SNTB1: variants seen among roughly 807,000 people sequenced by gnomAD.
SNTB1 encodes beta-1-syntrophin.
SNTB1 carries 36 observed loss-of-function variants against 48.9 expected under a neutral mutation model. The observed-to-expected ratio is 0.74, with a 90% confidence interval of 0.56 to 0.97. The LOEUF is 0.97. Ranked by LOEUF, SNTB1 falls within the 50% of genes least tolerant of loss-of-function variation. The probability of loss-of-function intolerance (pLI) is 0.00; values close to 1 mark genes in which losing one functional copy is unlikely to be tolerated. For synonymous variants in SNTB1, 299 were observed against 294.6 expected (o/e 1.01, Z -0.15); for missense variants, 786 against 703.4 (o/e 1.12, Z -1.33).
intron 2 of SNTB1, among the ~76,000 whole-genome samples, chr8:120,639,228 T>A (rs543407455): frequency 2.1e-3 from 321 of 152,346 alleles, no homozygotes; most frequent in African/African-American, 7.3e-3. Flanking sequence ...TGCTCACTTT[T>A]TGATGGGGTT....
Position 120,537,386 on chromosome 8 carries a change from C to T in SNTB1, c.*1491G>A, listed in dbSNP as rs1815218799. On this transcript the variant is annotated 3_prime_UTR_variant, in exon 7 of 7. Coordinates refer to ENST00000517992, the MANE Select transcript of SNTB1 (RefSeq NM_021021.4). Reference sequence around the variant, plus strand: ...CCAGCAAAACACCACTCAGTCAAGCCCCTTGGAACTAGCGTCATATGATAT... The same window carrying T: ...CCAGCAAAACACCACTCAGTCAAGCTCCTTGGAACTAGCGTCATATGATAT... 1 of 152,100 alleles carries T rather than the reference C, an allele frequency of 6.6e-6. No individual in the cohort carries two copies. Among genetic ancestry groups the T allele is most frequent in the Non-Finnish European group, 1.5e-5 (1 of 68,012 alleles). The allele number at this position is 152,100 out of a possible 1,614,324, so 9.4% of individuals were successfully genotyped here. A position where few individuals can be genotyped will look rare whatever the true frequency, so the allele number is the denominator to read the frequency against.
chr8:120,618,739 G>A (rs979183407), intron 3 of SNTB1, among the ~76,000 whole-genome samples: 13 of 152,184 alleles, frequency 8.5e-5, no homozygotes, highest in Admixed American at 3.3e-4. Context: ...GTTGGACGCT[G>A]GATGAAATTA....
intron 2 of SNTB1, among the ~76,000 whole-genome samples, chr8:120,639,349 T>C (rs1467034190): frequency 6.6e-6 from 1 of 152,216 alleles, no homozygotes; most frequent in African/African-American, 2.4e-5. Flanking sequence ...GCCTGTTCAC[T>C]CTGATGGTAG....
At position 120,811,260 on chromosome 8, in the gene SNTB1, G is replaced by T; in HGVS notation, c.571+13C>A. On this transcript the variant is annotated intron_variant, in intron 1 of 6. Coordinates refer to ENST00000517992, the MANE Select transcript of SNTB1 (RefSeq NM_021021.4). ...GCGCGCCCGGCGCGGCCCGCGCGCT[G>T]TTAACCCCTTACCTTCCAGCAGCAC... is the stretch of plus-strand genomic sequence containing the variant. 1 of 1,581,890 alleles carries T rather than the reference G, an allele frequency of 6.3e-7. No individual in the cohort carries two copies. The highest frequency in any genetic ancestry group is 8.5e-7 in the Non-Finnish European group (1 of 1,170,500).
intron 1 of SNTB1, among the ~76,000 whole-genome samples, chr8:120,792,586 G>A (rs1324476141): frequency 6.6e-6 from 1 of 151,930 alleles, no homozygotes; most frequent in Non-Finnish European, 1.5e-5. Context: ...CTTGCTGCTA[G>A]CCAAGTACCG....
chr8:120,739,921 T>C (rs937785942), intron 1 of SNTB1, among the ~76,000 whole-genome samples: 5 of 152,166 alleles, frequency 3.3e-5, no homozygotes, highest in Non-Finnish European at 7.3e-5. Context: ...AATTACAAAG[T>C]TAATGGAAGA....
intron 4 of SNTB1, among the ~76,000 whole-genome samples, chr8:120,568,794 G>A (rs944108113): frequency 6.6e-6 from 1 of 152,196 alleles, no homozygotes; most frequent in African/African-American, 2.4e-5. Context: ...ATCCTTACAG[G>A]CCTAATTGTA....
chr8:120,693,759 G>T lies in SNTB1; in HGVS notation c.721C>A (p.Arg241=), dbSNP rs753694409. Residue 241 remains arginine (R), a synonymous_variant, in exon 2 of 7, where the codon CGG becomes AGG. Coordinates refer to ENST00000517992, the MANE Select transcript of SNTB1 (RefSeq NM_021021.4). ...CACATTTTGAGGGGGATGCTTTTCC[G>T]GTCTCTGTGGAAGGAGAAGGACTGC... is the stretch of plus-strand genomic sequence containing the variant. The part of the protein sequence containing the change: ...SSQSFSFHRD[R]KSIPLKMCYV... The T allele has an allele frequency of 1.2e-6, 2 of 1,613,620 alleles. No individual in the cohort carries two copies. Among genetic ancestry groups the T allele is most frequent in the Admixed American group, 1.7e-5 (1 of 59,872 alleles).
chr8:120,755,165 TGTGTGTGA>T (rs764908473), intron 1 of SNTB1, among the ~76,000 whole-genome samples: 54 of 105,590 alleles, frequency 5.1e-4, no homozygotes, highest in African/African-American at 1.5e-3. Context: ...TGTGTGTGTG[TGTGTGTGA>T]GAGAGAGAGA....
intron 2 of SNTB1, among the ~76,000 whole-genome samples, chr8:120,671,330 A>T (rs1024860992): frequency 6.6e-6 from 1 of 152,248 alleles, no homozygotes; most frequent in Non-Finnish European, 1.5e-5. Flanking sequence ...TTTGCAATGT[A>T]ATTAGTTGAG....
At chr8:120,697,805 A>G (rs984757635) in intron 1 of SNTB1, among the ~76,000 whole-genome samples, 1 of 152,264 alleles carries the variant, frequency 6.6e-6, no homozygotes, top group Non-Finnish European at 1.5e-5. Flanking sequence ...AATCTTCCAC[A>G]AATTCTTTAA....
At chr8:120,609,363 C>T (rs2130728852) in intron 3 of SNTB1, among the ~76,000 whole-genome samples, 1 of 152,284 alleles carries the variant, frequency 6.6e-6, no homozygotes, top group Non-Finnish European at 1.5e-5. Context: ...TAGGTCCATA[C>T]TAGAGTTTTT....
Position 120,693,621 on chromosome 8 carries a change from G to T in SNTB1, c.788+71C>A. ...GTTTTCAGAACATGAGGGCAATCTC[G>T]TGAAAGCCCCCATTTAGCCTGAGAG... On this transcript the variant is annotated intron_variant, in intron 2 of 6. Transcript: ENST00000517992. 3 of 1,326,736 alleles carry T rather than the reference G, an allele frequency of 2.3e-6. No individual in the cohort carries two copies. The South Asian group carries it at 3.6e-5, about 16-fold the overall frequency. The allele number at this position is 1,326,736 out of a possible 1,614,324, so 82.2% of individuals were successfully genotyped here. A position where few individuals can be genotyped will look rare whatever the true frequency, so the allele number is the denominator to read the frequency against.
At chr8:120,572,869 A>T (rs1346606237) in intron 4 of SNTB1, among the ~76,000 whole-genome samples, 1 of 152,176 alleles carries the variant, frequency 6.6e-6, no homozygotes, top group Non-Finnish European at 1.5e-5. Flanking sequence ...GCGCCAAGAT[A>T]GCACCATTGC....
chr8:120,681,868 T>G (rs78982721), intron 2 of SNTB1, among the ~76,000 whole-genome samples: 1 of 149,064 alleles, frequency 6.7e-6, no homozygotes, highest in East Asian at 2.0e-4. Context: ...AAACCTCCAG[T>G]AAAGAAGATG....
chr8:120,695,159 C>T (rs1425351729), intron 1 of SNTB1, among the ~76,000 whole-genome samples: 4 of 152,070 alleles, frequency 2.6e-5, no homozygotes, highest in Non-Finnish European at 4.4e-5. Context: ...TGGGCTAAGT[C>T]CCTCACAGGT....
chr8:120,646,203 T>C (rs1426944443), intron 2 of SNTB1, among the ~76,000 whole-genome samples: 1 of 136,436 alleles, frequency 7.3e-6, no homozygotes, highest in Admixed American at 7.5e-5. Flanking sequence ...AACACTATGT[T>C]GAATAGGAGT....
intron 2 of SNTB1, among the ~76,000 whole-genome samples, chr8:120,679,715 A>G (rs1322756080): frequency 1.3e-5 from 2 of 152,190 alleles, no homozygotes; most frequent in South Asian, 2.1e-4. Flanking sequence ...CCCAGCCTCT[A>G]GTCTTGCCTC....
At chr8:120,553,953 G>A (rs1020935832) in intron 4 of SNTB1, among the ~76,000 whole-genome samples, 1 of 152,150 alleles carries the variant, frequency 6.6e-6, no homozygotes, top group Admixed American at 6.5e-5. Flanking sequence ...AGTTGAGATT[G>A]TGCCACTGGA....
Sources: allele counts gnomAD v4.1 joint callset (sites outside exome capture counted in the v4.1 genomes callset), GRCh38; gene constraint gnomAD v4.1.1; transcripts MANE v1.5; gene names NCBI Gene and HGNC (gene_info 2026-07-23, HGNC 2026-07-21).